GALNT15: variants seen among roughly 807,000 people sequenced by gnomAD.
The protein encoded by GALNT15 is polypeptide N-acetylgalactosaminyltransferase 15.
GALNT15 carries 67 observed loss-of-function variants against 66.8 expected under a neutral mutation model. The ratio of observed to expected loss-of-function variants is 1.00; its 90% CI spans 0.82 to 1.23. The LOEUF (loss-of-function observed/expected upper bound fraction) is 1.23. Ranked by LOEUF, GALNT15 falls within the 50% of genes most tolerant of loss-of-function variation. The pLI is 0.00. For synonymous variants in GALNT15, 313 were observed against 311.5 expected, an observed-to-expected ratio of 1.00 and a Z score of -0.05; for missense variants, 827 against 804.3, an observed-to-expected ratio of 1.03 and a Z score of -0.34.
At position 16,229,456 on chromosome 3, in the gene GALNT15, G is replaced by A. The variant is rs147103087; in HGVS notation, c.*1956G>A. 6.4e-4 allele frequency: 623 copies of A among 976,406 alleles called. 4 individuals carry two copies. In the African/African-American group the frequency reaches 0.01, roughly 16 times the overall value. 60.5% of individuals were successfully genotyped at this position (976,406 alleles called of 1,614,324 possible). On this transcript the variant is annotated 3_prime_UTR_variant, in exon 10 of 10. Transcript: ENST00000339732. Reference sequence around the variant, plus strand: ...CATGGATATAGAACATTTCATCACAGTTCTGTTGGACCAATCTAGATAGAT... The same window carrying A: ...CATGGATATAGAACATTTCATCACAATTCTGTTGGACCAATCTAGATAGAT...
rs2063782798 is a variant in GALNT15, at chr3:16,208,656, C to T, written c.1065C>T (p.Pro355=). The change falls in exon 4 of 10, where the codon CCC becomes CCT. Residue 355 remains proline, a synonymous_variant. Transcript: ENST00000339732. ...PEHVRKALQS[P]ISPIRSPVVP... ...ATGTGAGGAAGGCCCTCCAGTCCCCCATAAGCCCCATCAGGTGAGTCCCCA... is the reference window on the plus strand; with the variant it reads ...ATGTGAGGAAGGCCCTCCAGTCCCCTATAAGCCCCATCAGGTGAGTCCCCA... The T allele has an allele frequency of 6.2e-7, 1 of 1,613,844 alleles. No individual in the cohort carries two copies. The highest frequency in any genetic ancestry group is 1.3e-5 in the African/African-American group (1 of 74,904).
Position 16,195,856 on chromosome 3 carries a change from C to T in GALNT15, c.636C>T (p.His212=), listed in dbSNP as rs1436621978. 6.2e-7 allele frequency: 1 copy of T among 1,614,156 alleles called. No individual in the cohort carries two copies. The highest frequency in any genetic ancestry group is 8.5e-7 in the Non-Finnish European group (1 of 1,180,008). ...GGTCCACTCTCCTGCGGACTGTACA[C>T]AGCATCCTCGACACAGTGCCCAGGG... ...EAWSTLLRTV[H]SILDTVPRAF... The change falls in exon 2 of 10, where the codon CAC becomes CAT. Residue 212 remains histidine (H), a synonymous_variant. Transcript: ENST00000339732. The surrounding 1 kb of genome is among the most constrained non-coding windows in gnomAD (Gnocchi z 4.6).
chr3:16,195,979 G>A lies in GALNT15; in HGVS notation c.706+53G>A. On this transcript the variant is annotated intron_variant, in intron 2 of 9. Coordinates refer to ENST00000339732, the MANE Select transcript of GALNT15 (RefSeq NM_054110.5). This position sits in a 1 kb window ranked among gnomAD's most constrained non-coding sequence, Gnocchi z 4.6. ...CTGGGTGAGCCTTACCCCCTGGCGG[G>A]TGGAGTTCTCAAGCAAAAGATTGAA... The A allele has an allele frequency of 6.3e-7, 1 of 1,580,254 alleles. No individual in the cohort carries two copies. Among genetic ancestry groups the A allele is most frequent in the South Asian group, 1.1e-5 (1 of 88,836 alleles).
downstream of GALNT15, among the ~76,000 whole-genome samples, chr3:16,231,315 A>G (rs895370746): frequency 1.6e-4 from 24 of 151,998 alleles, 1 homozygote; most frequent in Admixed American, 1.5e-3. This position sits in a 1 kb window ranked among gnomAD's most constrained non-coding sequence, Gnocchi z 4.1. Flanking sequence ...CTAGAACTTA[A>G]AGTAAAATAA....
intron 9 of GALNT15, among the ~76,000 whole-genome samples, chr3:16,223,691 CTTTTTTTTTTT>C (rs11293776): frequency 8.0e-6 from 1 of 124,652 alleles, no homozygotes; most frequent in African/African-American, 3.0e-5. Flanking sequence ...TCAAAGAAGT[CTTTTTTTTTTT>C]TTTTTTTTGG....
chr3:16,246,742 T>A, the GALNT15 span, among the ~76,000 whole-genome samples: 1 of 152,132 alleles, frequency 6.6e-6, no homozygotes, highest in Non-Finnish European at 1.5e-5. Flanking sequence ...CTTCTAACTC[T>A]GGAAAGAAAA....
rs753643034 is a variant in GALNT15 at position 16,204,517 on chromosome 3, A to C, written c.911+3694A>C. ...AGATGCTGATTGATGGCCAGTTTCT[A>C]CACAAAGTAACAATGATGGGAATCA... On this transcript the variant is annotated intron_variant, in intron 3 of 9. Transcript: ENST00000339732. The surrounding 1 kb of genome is among the most constrained non-coding windows in gnomAD (Gnocchi z 4.5). 1.2e-4 allele frequency among the ~76,000 whole-genome samples: 18 copies of C among 152,138 alleles called. No homozygotes were observed. Among genetic ancestry groups the C allele is most frequent in the Non-Finnish European group, 2.5e-4 (17 of 68,034 alleles).
rs536146710 is a variant in GALNT15 at position 16,181,842 on chromosome 3, G to A, written c.539+6152G>A. Among the ~76,000 whole-genome samples, 8 of 152,256 alleles carry A rather than the reference G, an allele frequency of 5.3e-5. No homozygotes were observed. Among genetic ancestry groups the A allele is most frequent in the South Asian group, 2.1e-4 (1 of 4,822 alleles). On this transcript the variant is annotated intron_variant, in intron 1 of 9. Transcript: ENST00000339732. The surrounding 1 kb of genome is among the most constrained non-coding windows in gnomAD (Gnocchi z 5.9). ...CTTATGGGGCCTGGCTGTCCAAGTC[G>A]TGAAGGGATGCCACAAACACCAACC...
At position 16,189,513 on chromosome 3, in the gene GALNT15, C is replaced by A. The variant is rs764251817; in HGVS notation, c.540-6247C>A. 2.6e-5 allele frequency among the ~76,000 whole-genome samples: 4 copies of A among 152,228 alleles called. No individual in the cohort carries two copies. The highest frequency in any genetic ancestry group is 5.9e-5 in the Non-Finnish European group (4 of 68,044). Reference sequence around the variant, plus strand: ...AGACATGTTCAGACAATACCAGAAGCCAGTCAGCACATTTTTACCTGAAAA... The same window carrying A: ...AGACATGTTCAGACAATACCAGAAGACAGTCAGCACATTTTTACCTGAAAA... On this transcript the variant is annotated intron_variant, in intron 1 of 9. Transcript: ENST00000339732. The surrounding 1 kb of genome is among the most constrained non-coding windows in gnomAD (Gnocchi z 5.1).
intron 8 of GALNT15, among the ~76,000 whole-genome samples, chr3:16,221,604 A>T (rs1309839233): frequency 3.3e-5 from 5 of 152,168 alleles, no homozygotes; most frequent in African/African-American, 9.7e-5. Context: ...GTCAGAAATG[A>T]CACCCCCATA....
At position 16,212,652 on chromosome 3, in the gene GALNT15, C is replaced by G. The variant is rs1042129728; in HGVS notation, c.1281C>G (p.Pro427=). The change falls in exon 6 of 10, where the codon CCC becomes CCG. Residue 427 remains proline (P), a synonymous_variant. Coordinates refer to ENST00000339732, the MANE Select transcript of GALNT15 (RefSeq NM_054110.5). ...HIYQNQDSHS[P]LDQEATLRNR... is the part of the protein sequence containing the mutation. ...ACCAAAATCAGGATTCCCATTCCCC[C>G]CTCGACCAGGAGGCCACCCTGAGGA... 4 of 1,614,100 alleles carry G rather than the reference C, an allele frequency of 2.5e-6. No individual in the cohort carries two copies. Among genetic ancestry groups the G allele is most frequent in the Admixed American group, 1.7e-5 (1 of 60,026 alleles).
Position 16,193,383 on chromosome 3 carries a change from C to G in GALNT15, c.540-2377C>G, listed in dbSNP as rs2063600043. On this transcript the variant is annotated intron_variant, in intron 1 of 9. Transcript: ENST00000339732. The surrounding 1 kb of genome is among the most constrained non-coding windows in gnomAD (Gnocchi z 4.7). ...CTTTTCTTCCTTATTTTTATTTTAC[C>G]ATCATTTTAAGTATTTGTATTGTGT... Among the ~76,000 whole-genome samples the G allele has an allele frequency of 6.6e-6, 1 of 151,822 alleles. No homozygotes were observed. Among genetic ancestry groups the G allele is most frequent in the Admixed American group, 6.6e-5 (1 of 15,230 alleles).
rs921729743 is a variant in GALNT15 at position 16,187,393 on chromosome 3, C to T, written c.540-8367C>T. On this transcript the variant is annotated intron_variant, in intron 1 of 9. Transcript: ENST00000339732. The surrounding 1 kb of genome is among the most constrained non-coding windows in gnomAD (Gnocchi z 5.1). ...CACCCCTGTGGCTGCCATCAGAGGG[C>T]GGCTGACTGCACTGAATATTAAGAT... Among the ~76,000 whole-genome samples the T allele has an allele frequency of 4.6e-5, 7 of 152,244 alleles. No individual in the cohort carries two copies. The highest frequency in any genetic ancestry group is 6.5e-5 in the Admixed American group (1 of 15,290).
the GALNT15 span, among the ~76,000 whole-genome samples, chr3:16,237,306 G>A: frequency 6.6e-6 from 1 of 152,190 alleles, no homozygotes; most frequent in African/African-American, 2.4e-5. The surrounding 1 kb of genome is among the most constrained non-coding windows in gnomAD (Gnocchi z 4.2). Flanking sequence ...CATAAAACCT[G>A]TTTAACAGCC....
At chr3:16,179,182 C>G (rs1023051349) in intron 1 of GALNT15, among the ~76,000 whole-genome samples, 15 of 152,260 alleles carry the variant, frequency 9.9e-5, no homozygotes, top group African/African-American at 3.6e-4. Context: ...TTACTATGTG[C>G]TAGAGGCTCT....
chr3:16,226,502 A>G (rs2064020682), intron 9 of GALNT15, among the ~76,000 whole-genome samples: 1 of 152,200 alleles, frequency 6.6e-6, no homozygotes. Flanking sequence ...GGCGAAGAGG[A>G]AGCAAGCCCC....
rs1369330983 is a variant in GALNT15 at position 16,229,941 on chromosome 3, A to G, written c.*2441A>G. Among the ~76,000 whole-genome samples, 1 of 152,182 alleles carries G rather than the reference A, an allele frequency of 6.6e-6. No individual in the cohort carries two copies. The highest frequency in any genetic ancestry group is 1.9e-4 in the East Asian group (1 of 5,194). ...TAATTTAAGTAAAACAGATGCCTCC[A>G]TTTAGTTCTAGAAGGACCTTCTCCT... On this transcript the variant is annotated 3_prime_UTR_variant, in exon 10 of 10. Transcript: ENST00000339732.
At chr3:16,216,578 C>T (rs1176100259) in intron 6 of GALNT15, among the ~76,000 whole-genome samples, 2 of 151,662 alleles carry the variant, frequency 1.3e-5, no homozygotes, top group African/African-American at 2.4e-5. Flanking sequence ...GGGACTTGAG[C>T]GATCAATTAA....
intron 3 of GALNT15, among the ~76,000 whole-genome samples, chr3:16,207,383 G>A (rs1159960299): frequency 2.0e-5 from 3 of 151,880 alleles, no homozygotes; most frequent in Non-Finnish European, 2.9e-5. Context: ...AAATGTGATT[G>A]AGATATTGGC....
Sources: gnomAD v4.1 joint callset for allele counts (sites outside exome capture counted in the v4.1 genomes callset) on GRCh38, gnomAD v4.1.1 for gene constraint, Gnocchi (gnomAD v3.1) non-coding constraint, MANE v1.5 for transcripts, NCBI Gene and HGNC (gene_info 2026-07-23, HGNC 2026-07-21) for gene names.